The following ERCC2 variants were observed in gnomAD, a reference collection of about 807,000 sequenced individuals.
ERCC2 encodes ERCC excision repair 2, TFIIH core complex helicase subunit.
A neutral mutation model predicts 99.4 loss-of-function variants in ERCC2; 90 were observed. The observed-to-expected ratio is 0.91, with a 90% CI of 0.76 to 1.08. The LOEUF (loss-of-function observed/expected upper bound fraction) is 1.08. ERCC2 is among the 50% of genes least tolerant of loss of function. The pLI is 0.00. For synonymous variants in ERCC2, 497 were observed against 432.4 expected, an observed-to-expected ratio of 1.15 and a Z score of -1.85; for missense variants, 993 against 1,038.1, an observed-to-expected ratio of 0.96 and a Z score of 0.60.
At chr19:45,359,513 G>A (rs1399290950) in intron 12 of ERCC2, among the ~76,000 whole-genome samples, 4 of 152,184 alleles carry the variant, frequency 2.6e-5, no homozygotes, top group Non-Finnish European at 5.9e-5. Context: ...TGAGGATGGG[G>A]AGGGAACACC....
In ERCC2 at chr19:45,351,683, C is replaced by T; in HGVS notation, c.2229G>A (p.Gln743=). ...TCTTCAGCGTCTCCTCTGATTCTAG[C>T]TGCTCCAGGCTGAGCAGGGACAGGC... The part of the protein sequence containing the change: ...QLGLSLLSLE[Q]LESEETLKRI... Residue 743 remains glutamine, a synonymous_variant, in exon 23 of 23, where the codon CAG becomes CAA. Coordinates refer to ENST00000391945, the MANE Select transcript of ERCC2 (RefSeq NM_000400.4). 6.2e-7 allele frequency: 1 copy of T among 1,613,992 alleles called. No homozygotes were observed. The highest frequency in any genetic ancestry group is 8.5e-7 in the Non-Finnish European group (1 of 1,180,010).
Position 45,350,142 on chromosome 19 carries a change from C to T in ERCC2, c.*1487G>A, listed in dbSNP as rs184626727. The stretch of plus-strand genomic sequence containing the variant: ...CAGGTCAGCACATTAGAAAGTGGGG[C>T]CAGACGTGGTGGTTCACGCTTGTAA... On this transcript the variant is annotated 3_prime_UTR_variant, in exon 23 of 23. Coordinates refer to ENST00000391945, the MANE Select transcript of ERCC2 (RefSeq NM_000400.4). The T allele has an allele frequency of 3.0e-4, 176 of 587,006 alleles. No individual in the cohort carries two copies. The highest frequency in any genetic ancestry group is 1.8e-3 in the African/African-American group (96 of 53,658). 36.4% of individuals were successfully genotyped at this position (587,006 alleles called of 1,614,324 possible).
In ERCC2 at chr19:45,350,277, C is replaced by A; in HGVS notation, c.*1352G>T. On this transcript the variant is annotated 3_prime_UTR_variant, in exon 23 of 23. Transcript: ENST00000391945. ...GTCTCTACAAAAAAAAAAAAAAAGG[C>A]GGGACTGGATGCAGTGTTGGGAACT... The A allele has an allele frequency of 1.7e-6, 2 of 1,173,386 alleles. No individual in the cohort carries two copies. Among genetic ancestry groups the A allele is most frequent in the Non-Finnish European group, 2.4e-6 (2 of 833,074 alleles). 72.7% of individuals were successfully genotyped at this position (1,173,386 alleles called of 1,614,324 possible). A position where few individuals can be genotyped will look rare whatever the true frequency, so the allele number is the denominator to read the frequency against.
intron 2 of ERCC2, among the ~76,000 whole-genome samples, 165 bp downstream of exon 2, chr19:45,369,968 G>C (rs969916116): frequency 6.6e-6 from 1 of 152,172 alleles, no homozygotes; most frequent in Non-Finnish European, 1.5e-5. Flanking sequence ...GAGCCACCGC[G>C]CCCAGCCTAT....
At chr19:45,358,609 A>G in intron 12 of ERCC2, 1 of 530,302 alleles carries the variant, frequency 1.9e-6, no homozygotes, top group Non-Finnish European at 3.4e-6. Flanking sequence ...CAGTCCCCCC[A>G]GGGCCTTTAT....
At position 45,353,253 on chromosome 19, in the gene ERCC2, TCTCCAGGG is replaced by T. The variant is rs1568532721; in HGVS notation, c.1739_1746del (p.Ala580GlufsTer66). 6.2e-7 allele frequency: 1 copy of T among 1,613,706 alleles called. No homozygotes were observed. Among genetic ancestry groups the T allele is most frequent in the Non-Finnish European group, 8.5e-7 (1 of 1,179,770 alleles). On this transcript the variant is annotated frameshift_variant, in exon 18 of 23. Coordinates refer to ENST00000391945, the MANE Select transcript of ERCC2 (RefSeq NM_000400.4). LOFTEE classifies it high-confidence loss of function. The stretch of plus-strand genomic sequence containing the variant: ...CCTCGCACACCCACCTCCTGGTACT[TCTCCAGGG>T]CGACACTGGTTTCGGCACCATCCTG...
In ERCC2 at chr19:45,350,984, G is replaced by C. The variant is rs745770069; in HGVS notation, c.*645C>G. Reference sequence around the variant, plus strand: ...AGAGAGCCATGTCACTCAACACACTGAACGTGGATGCTCCAAGGGCTCCTG... The same window carrying C: ...AGAGAGCCATGTCACTCAACACACTCAACGTGGATGCTCCAAGGGCTCCTG... On this transcript the variant is annotated 3_prime_UTR_variant, in exon 23 of 23. Coordinates refer to ENST00000391945, the MANE Select transcript of ERCC2 (RefSeq NM_000400.4). The C allele has an allele frequency of 1.4e-5, 23 of 1,614,016 alleles. No homozygotes were observed. Among genetic ancestry groups the C allele is most frequent in the South Asian group, 1.2e-4 (11 of 91,092 alleles).
At position 45,350,926 on chromosome 19, in the gene ERCC2, C is replaced by CATTT. The variant is rs770140792; in HGVS notation, c.*699_*702dup. The CATTT allele has an allele frequency of 1.2e-6, 2 of 1,610,972 alleles. No individual in the cohort carries two copies. Among genetic ancestry groups the CATTT allele is most frequent in the Non-Finnish European group, 1.7e-6 (2 of 1,177,272 alleles). ...GAGGGGGGCCACTCCTGGATTCACT[C>CATTT]ATTTCCTCCCTGCTGCCCTCTTTGC... On this transcript the variant is annotated 3_prime_UTR_variant, in exon 23 of 23. Coordinates refer to ENST00000391945, the MANE Select transcript of ERCC2 (RefSeq NM_000400.4).
rs748311375 is a variant in ERCC2, at chr19:45,350,314, A to G, written c.*1315T>C. On this transcript the variant is annotated 3_prime_UTR_variant, in exon 23 of 23. Coordinates refer to ENST00000391945, the MANE Select transcript of ERCC2 (RefSeq NM_000400.4). ...CAGTGTTGGGAACTGGGGTCCGAAA[A>G]GTTCCCAGACACTCCCTTCTCCGCA... 6.2e-7 allele frequency: 1 copy of G among 1,603,192 alleles called. No homozygotes were observed. The highest frequency in any genetic ancestry group is 8.5e-7 in the Non-Finnish European group (1 of 1,173,466).
rs753818490 is a variant in ERCC2 at position 45,351,015 on chromosome 19, CAGGTG to C, written c.*609_*613del. 6.2e-7 allele frequency: 1 copy of C among 1,614,082 alleles called. No individual in the cohort carries two copies. The highest frequency in any genetic ancestry group is 2.2e-5 in the East Asian group (1 of 44,874). ...GGATGCTCCAAGGGCTCCTGGGACT[CAGGTG>C]AGGGGGACATCTGGGTCAAAAATAG... On this transcript the variant is annotated 3_prime_UTR_variant, in exon 23 of 23. Coordinates refer to ENST00000391945, the MANE Select transcript of ERCC2 (RefSeq NM_000400.4).
Position 45,350,048 on chromosome 19 carries a change from A to C in ERCC2, c.*1581T>G, listed in dbSNP as rs759045183. The C allele has an allele frequency of 2.4e-5, 11 of 467,038 alleles. No individual in the cohort carries two copies. Among genetic ancestry groups the C allele is most frequent in the Non-Finnish European group, 4.2e-5 (11 of 260,004 alleles). 28.9% of individuals were successfully genotyped at this position (467,038 alleles called of 1,614,324 possible). A position where few individuals can be genotyped will look rare whatever the true frequency, so the allele number is the denominator to read the frequency against. On this transcript the variant is annotated 3_prime_UTR_variant, in exon 23 of 23. Transcript: ENST00000391945. ...GCTGCCTGTCCTCCATCCCCAGGGC[A>C]GGAAGTAAGGCCGAGCTCCAAACCC...
chr19:45,359,448 C>T (rs1972132065), intron 12 of ERCC2, among the ~76,000 whole-genome samples: 2 of 152,184 alleles, frequency 1.3e-5, no homozygotes, highest in African/African-American at 4.8e-5. Flanking sequence ...ATCTGGTTTC[C>T]TGGGTACAGG....
Position 45,353,103 on chromosome 19 carries a change from A to C in ERCC2, c.1811T>G (p.Val604Gly), listed in dbSNP as rs1971878897. The stretch of plus-strand genomic sequence containing the variant: ...CTCACCAAAGTCGATTCCCTCGGAC[A>C]CTTTGCCCCGGGCCACTGACAGCAG... ...AILLSVARGK[V>G]SEGIDFVHHY... The change falls in exon 19 of 23, where the codon GTG becomes GGG. Residue 604 changes from valine to glycine, a missense_variant. By Grantham distance (109) the Val-to-Gly change is moderately radical. Around this residue, in one of 3 missense-constraint regions of ERCC2, gnomAD observed 909 missense variants for 930.8 expected, o/e 0.98. Transcript: ENST00000391945. 6.2e-7 allele frequency: 1 copy of C among 1,613,224 alleles called. No individual in the cohort carries two copies. The highest frequency in any genetic ancestry group is 1.7e-5 in the Admixed American group (1 of 59,990).
chr19:45,361,402 C>T, intron 12 of ERCC2, 122 bp downstream of exon 12: 4 of 776,502 alleles, frequency 5.2e-6, no homozygotes, highest in South Asian at 2.7e-5. Context: ...AAAATAGGGC[C>T]CACACTTCCA....
Position 45,363,916 on chromosome 19 carries a change from G to C in ERCC2, c.950-5C>G. 6.5e-7 allele frequency: 1 copy of C among 1,542,616 alleles called. No homozygotes were observed. The highest frequency in any genetic ancestry group is 8.7e-7 in the Non-Finnish European group (1 of 1,150,602). Reference sequence around the variant, plus strand: ...GGATGGAGCCAGGCACTGCCTCTGCGAGGAGACGCTATCAGCGGCGACGGG... The same window carrying C: ...GGATGGAGCCAGGCACTGCCTCTGCCAGGAGACGCTATCAGCGGCGACGGG... On this transcript the variant is annotated splice_region_variant and splice_polypyrimidine_tract_variant and intron_variant, in intron 10 of 22. Transcript: ENST00000391945.
intron 17 of ERCC2, among the ~76,000 whole-genome samples, chr19:45,354,133 T>C (rs1256495614): frequency 6.6e-6 from 1 of 152,206 alleles, no homozygotes; most frequent in Non-Finnish European, 1.5e-5. Flanking sequence ...CAAAGTGCTT[T>C]CACCCACTCC....
At chr19:45,367,110 G>A (rs1399056811) in intron 5 of ERCC2, among the ~76,000 whole-genome samples, 8 of 152,100 alleles carry the variant, frequency 5.3e-5, no homozygotes, top group East Asian at 3.8e-4. Context: ...AGGCTGAGGC[G>A]GGAGGATCAC....
In ERCC2 at chr19:45,365,169, G is replaced by T. The variant is rs1450157368; in HGVS notation, c.361-11C>A. 2 of 1,607,400 alleles carry T rather than the reference G, an allele frequency of 1.2e-6. No individual in the cohort carries two copies. The highest frequency in any genetic ancestry group is 4.5e-5 in the East Asian group (2 of 44,834). ...GCGCAGGGGTGTCACCTGGGGGTGT[G>T]GGGCATCTTAGCACCCAGACAGGGT... On this transcript the variant is annotated splice_polypyrimidine_tract_variant and intron_variant, in intron 5 of 22. Coordinates refer to ENST00000391945, the MANE Select transcript of ERCC2 (RefSeq NM_000400.4).
chr19:45,364,201 G>A (rs536381490), intron 9 of ERCC2, 34 bp downstream of exon 9: 2 of 1,612,180 alleles, frequency 1.2e-6, no homozygotes, highest in Admixed American at 1.7e-5. Context: ...CCAGGGGCAG[G>A]GCGGGCACCA....
Sources: allele counts gnomAD v4.1 joint callset (sites outside exome capture counted in the v4.1 genomes callset), GRCh38; gene constraint gnomAD v4.1.1; regional missense constraint gnomAD v4.1.1; transcripts MANE v1.5; gene names NCBI Gene and HGNC (gene_info 2026-07-23, HGNC 2026-07-21).